Variants in CALD1 observed in about 807,000 individuals in gnomAD.
CALD1 encodes the protein caldesmon 1, also known as caldesmon.
In CALD1, 33 loss-of-function variants were observed where a neutral mutation model predicts 99.9. That is an observed-to-expected ratio of 0.33 (90% CI 0.25 to 0.44). The LOEUF is 0.44. Ranked by LOEUF, CALD1 falls within the 20% of genes least tolerant of loss-of-function variation. The pLI, the probability that CALD1 is intolerant of heterozygous loss-of-function variation, is 1.00. For missense variants in CALD1, 861 were observed against 962.1 expected, an observed-to-expected ratio of 0.89 and a Z score of 1.39; for synonymous variants, 310 against 325.0, an observed-to-expected ratio of 0.95 and a Z score of 0.50.
intron 1 of CALD1, among the ~76,000 whole-genome samples, chr7:134,765,422 C>G (rs7778822): frequency 0.032 from 4,869 of 151,988 alleles, 239 homozygotes; most frequent in African/African-American, 0.11. Context: ...TTTTTTAAAA[C>G]CCTAGTAAGA....
At chr7:134,744,081 A>G (rs1037506099), upstream of CALD1, among the ~76,000 whole-genome samples, 4 of 152,230 alleles carry the variant, frequency 2.6e-5, no homozygotes, top group Non-Finnish European at 4.4e-5. Context: ...GTCGAGGGGA[A>G]GACCGAGGAG....
At chr7:134,923,878 T>G (rs977665624) in intron 3 of CALD1, among the ~76,000 whole-genome samples, 25 of 152,236 alleles carry the variant, frequency 1.6e-4, no homozygotes, top group Non-Finnish European at 2.8e-4. Context: ...TTCTAACTTC[T>G]GAGAAGTTTT....
intron 3 of CALD1, among the ~76,000 whole-genome samples, chr7:134,915,147 G>A (rs1586292029): frequency 1.3e-5 from 2 of 152,188 alleles, no homozygotes; most frequent in South Asian, 4.1e-4. Flanking sequence ...ACAATGGTTT[G>A]CCACCTCCTC....
At chr7:134,793,536 T>G (rs1797624700) in intron 1 of CALD1, among the ~76,000 whole-genome samples, 2 of 152,220 alleles carry the variant, frequency 1.3e-5, no homozygotes, top group Non-Finnish European at 2.9e-5. Flanking sequence ...TTTTTGTCCC[T>G]TTCCTAAAGC....
In CALD1 at chr7:134,814,724, G is replaced by A. The variant is rs78363507; in HGVS notation, c.-129-29160G>A. 5.8e-3 allele frequency among the ~76,000 whole-genome samples: 878 copies of A among 152,276 alleles called. 8 individuals carry two copies. The highest frequency in any genetic ancestry group is 9.0e-3 in the Admixed American group (137 of 15,288). On this transcript the variant is annotated intron_variant, in intron 1 of 14. Coordinates refer to ENST00000361675, the MANE Select transcript of CALD1 (RefSeq NM_033138.4). Reference sequence around the variant, plus strand: ...GTTTGCTGTATCCAGAAGAAGGTCAGATAAAGAGTGAAGGCACACCCCTGT... The same window carrying A: ...GTTTGCTGTATCCAGAAGAAGGTCAAATAAAGAGTGAAGGCACACCCCTGT...
intron 2 of CALD1, among the ~76,000 whole-genome samples, chr7:134,846,096 TTTC>T (rs1450581180): frequency 1.3e-5 from 2 of 152,140 alleles, no homozygotes; most frequent in African/African-American, 4.8e-5. Flanking sequence ...TTGGGCCCAT[TTTC>T]TTCATCAGCC....
chr7:134,966,374 G>C (rs538155113), intron 14 of CALD1, among the ~76,000 whole-genome samples: 1 of 152,090 alleles, frequency 6.6e-6, no homozygotes, highest in African/African-American at 2.4e-5. Flanking sequence ...AAATCCACTA[G>C]CCTTTCTAAG....
At chr7:134,818,832 A>G (rs976691046) in intron 1 of CALD1, among the ~76,000 whole-genome samples, 1 of 152,162 alleles carries the variant, frequency 6.6e-6, no homozygotes, top group African/African-American at 2.4e-5. Context: ...GTTGGTGTCT[A>G]TGACATACTG....
intron 2 of CALD1, among the ~76,000 whole-genome samples, chr7:134,861,893 G>A (rs1800579227): frequency 6.6e-6 from 1 of 152,180 alleles, no homozygotes; most frequent in African/African-American, 2.4e-5. Flanking sequence ...GTTAGAGGAG[G>A]AAGATGTGTA....
chr7:134,746,318 C>A (rs62462513), intron 1 of CALD1, among the ~76,000 whole-genome samples: 1 of 152,204 alleles, frequency 6.6e-6, no homozygotes, highest in Non-Finnish European at 1.5e-5. Context: ...GTCTGTAATC[C>A]AGAAAGCAGA....
At chr7:134,816,460 A>G (rs1388594563) in intron 1 of CALD1, among the ~76,000 whole-genome samples, 1 of 152,190 alleles carries the variant, frequency 6.6e-6, no homozygotes, top group African/African-American at 2.4e-5. Context: ...CTGCAATTTA[A>G]AAGCTACCCC....
chr7:134,819,343 C>T (rs1798680838), intron 1 of CALD1, among the ~76,000 whole-genome samples: 1 of 152,130 alleles, frequency 6.6e-6, no homozygotes, highest in South Asian at 2.1e-4. Context: ...TTTCTCTGTG[C>T]CCTGACAATT....
rs1796883355 is a variant in CALD1, at chr7:134,772,210, T to A, written c.-130+27847T>A. ...CCCAGGCTCAGGTGACCCTCCCACC[T>A]CACCTACTGAGTAGCTGGGACTACA... On this transcript the variant is annotated intron_variant, in intron 1 of 13. Coordinates refer to the CALD1 transcript ENST00000417172. 2.0e-5 allele frequency among the ~76,000 whole-genome samples: 3 copies of A among 150,192 alleles called. No individual in the cohort carries two copies. The Admixed American group carries it at 2.0e-4, about 10-fold the overall frequency.
intron 1 of CALD1, among the ~76,000 whole-genome samples, chr7:134,826,560 A>T (rs375141589): frequency 3.2e-4 from 48 of 152,292 alleles, no homozygotes; most frequent in African/African-American, 1.2e-3. Flanking sequence ...TAGTGTCACC[A>T]TGACTTAAAA....
intron 1 of CALD1, among the ~76,000 whole-genome samples, chr7:134,770,266 G>A (rs1022162082): frequency 6.6e-6 from 1 of 152,112 alleles, no homozygotes; most frequent in African/African-American, 2.4e-5. Flanking sequence ...TTCTTATTCT[G>A]GAAACCAAAC....
chr7:134,741,576 A>G (rs1337320697), upstream of CALD1, among the ~76,000 whole-genome samples: 1 of 152,140 alleles, frequency 6.6e-6, no homozygotes. Flanking sequence ...GAAAGAACCA[A>G]AAAGGCAGAG....
At chr7:134,750,031 TG>T (rs1562988376) in intron 1 of CALD1, among the ~76,000 whole-genome samples, 1 of 151,890 alleles carries the variant, frequency 6.6e-6, no homozygotes, top group Non-Finnish European at 1.5e-5. Context: ...CTTGAAAGAG[TG>T]GCCTCATTAC....
At chr7:134,795,067 G>A (rs866946771) in intron 1 of CALD1, among the ~76,000 whole-genome samples, 3 of 152,206 alleles carry the variant, frequency 2.0e-5, no homozygotes, top group African/African-American at 7.2e-5. Context: ...TGTGTCAGCT[G>A]TCAGGAGCTG....
chr7:134,844,733 T>C (rs1279097649), intron 2 of CALD1, among the ~76,000 whole-genome samples: 1 of 152,178 alleles, frequency 6.6e-6, no homozygotes, highest in Non-Finnish European at 1.5e-5. Flanking sequence ...AGTGTTGGCA[T>C]GGTGGATTTC....
Sources: allele counts gnomAD v4.1 joint callset (sites outside exome capture counted in the v4.1 genomes callset), GRCh38; gene constraint gnomAD v4.1.1; transcripts MANE v1.5; gene names NCBI Gene and HGNC (gene_info 2026-07-23, HGNC 2026-07-21).